Variants in UTP20 observed in about 807,000 individuals in gnomAD.
UTP20 encodes the protein small subunit processome component 20 homolog.
A neutral mutation model predicts 329.5 loss-of-function variants in UTP20; 164 were observed. That is an observed-to-expected ratio of 0.50 (90% CI 0.44 to 0.57). The LOEUF (loss-of-function observed/expected upper bound fraction) is 0.57, where lower values mean the gene tolerates loss of function less well. UTP20 is among the 20% of genes least tolerant of loss of function. UTP20 has a pLI of 0.00. For missense variants in UTP20, 3,055 were observed against 3,284.2 expected (o/e 0.93, Z 1.71); for synonymous variants, 1,151 against 1,159.3 (o/e 0.99, Z 0.14).
chr12:101,363,673 A>G lies in UTP20; in HGVS notation c.5888A>G (p.Asp1963Gly). Reference sequence around the variant, plus strand: ...GAAGCACGAAGAAGCAAAAGTTACGACTCTTATGAAATCCTCGGCAAGTTT... The same window carrying G: ...GAAGCACGAAGAAGCAAAAGTTACGGCTCTTATGAAATCCTCGGCAAGTTT... ...VMEARRSKSYDSYEILGKFVG... is the reference protein window; with the variant it reads ...VMEARRSKSYGSYEILGKFVG... Residue 1963 changes from aspartate to glycine, a missense_variant, in exon 45 of 62, where the codon GAC becomes GGC. Coordinates refer to ENST00000261637, the MANE Select transcript of UTP20 (RefSeq NM_014503.3). The G allele has an allele frequency of 6.2e-7, 1 of 1,613,370 alleles. No individual in the cohort carries two copies. The highest frequency in any genetic ancestry group is 8.5e-7 in the Non-Finnish European group (1 of 1,179,390).
At chr12:101,320,997 T>C (rs1009801603) in intron 24 of UTP20, 60 bp downstream of exon 24, 45 of 1,434,778 alleles carry the variant, frequency 3.1e-5, no homozygotes, top group Non-Finnish European at 4.0e-5. Flanking sequence ...TATTTCTGCC[T>C]AAGAGCCTCT....
chr12:101,326,862 T>C (rs1868575458), intron 25 of UTP20: 1 of 354,598 alleles, frequency 2.8e-6, no homozygotes, highest in African/African-American at 2.1e-5. Context: ...TAGCTGGGAC[T>C]ACAGGCACGT....
At chr12:101,375,020 C>CTAATCTG in intron 55 of UTP20, 81 bp downstream of exon 55, 4 of 948,748 alleles carry the variant, frequency 4.2e-6, no homozygotes, top group South Asian at 3.2e-5. Context: ...TAGATATCAG[C>CTAATCTG]TTATAGGTTA....
At chr12:101,330,167 G>A (rs1868712793) in intron 27 of UTP20, among the ~76,000 whole-genome samples, 1 of 152,094 alleles carries the variant, frequency 6.6e-6, no homozygotes, top group Non-Finnish European at 1.5e-5. Context: ...CAGTGTAGGG[G>A]TGGATAGGTG....
intron 12 of UTP20, among the ~76,000 whole-genome samples, chr12:101,298,006 G>T (rs560411890): frequency 6.6e-6 from 1 of 152,200 alleles, no homozygotes; most frequent in Admixed American, 6.5e-5. Flanking sequence ...CCTTTGTTTT[G>T]ATTCCTTCTA....
intron 25 of UTP20, among the ~76,000 whole-genome samples, chr12:101,322,809 T>C (rs1240180474): frequency 6.6e-6 from 1 of 152,166 alleles, no homozygotes; most frequent in African/African-American, 2.4e-5. Flanking sequence ...CATAAAAATA[T>C]TTGAGGGAGT....
In UTP20 at chr12:101,334,638, G is replaced by C. The variant is rs1868875158; in HGVS notation, c.3641+134G>C. 3 of 672,758 alleles carry C rather than the reference G, an allele frequency of 4.5e-6. No individual in the cohort carries two copies. The South Asian group carries it at 6.1e-5, about 14-fold the overall frequency. 41.7% of individuals were successfully genotyped at this position (672,758 alleles called of 1,614,324 possible). A position where few individuals can be genotyped will look rare whatever the true frequency, so the allele number is the denominator to read the frequency against. The stretch of plus-strand genomic sequence containing the variant: ...ACTACTTTTGGTACAGTTAGAGAAT[G>C]AGGCAGCTGAGTAAAAGCAAGGAAA... On this transcript the variant is annotated intron_variant, in intron 29 of 61. Coordinates refer to ENST00000261637, the MANE Select transcript of UTP20 (RefSeq NM_014503.3).
chr12:101,351,856 A>T (rs1869539513), intron 38 of UTP20, among the ~76,000 whole-genome samples, 199 bp from the exon 39 acceptor site: 2 of 152,342 alleles, frequency 1.3e-5, no homozygotes, highest in Non-Finnish European at 2.9e-5. Context: ...ATATGTTAAT[A>T]GCCTTTAAAG....
intron 38 of UTP20, among the ~76,000 whole-genome samples, chr12:101,350,979 G>A (rs991123634): frequency 3.9e-5 from 6 of 152,076 alleles, no homozygotes; most frequent in African/African-American, 1.4e-4. Flanking sequence ...CTCTTTTTGG[G>A]TTTCTCTTCC....
Position 101,320,915 on chromosome 12 carries a change from C to T in UTP20, c.2893C>T (p.His965Tyr). The T allele has an allele frequency of 1.9e-6, 3 of 1,610,124 alleles. No individual in the cohort carries two copies. The highest frequency in any genetic ancestry group is 1.1e-5 in the South Asian group (1 of 89,730). Residue 965 changes from histidine (H) to tyrosine (Y), a missense_variant, in exon 24 of 62, where the codon CAT (histidine) becomes TAT (tyrosine). By Grantham distance (83) the His-to-Tyr change is moderately conservative (BLOSUM62 2). Around this residue, in one of 3 missense-constraint regions of UTP20, gnomAD observed 2,445 missense variants for 2,575.5 expected, o/e 0.95. Transcript: ENST00000261637. ...ITLDCIMTYK[H>Y]PHVLPYRENL... ...CTTGGATTGCATAATGACATATAAA[C>T]ATCCTCATGTCCTCCCTTACAGGTA...
chr12:101,285,234 G>A (rs1033279495), intron 2 of UTP20, among the ~76,000 whole-genome samples: 1 of 152,082 alleles, frequency 6.6e-6, no homozygotes, highest in African/African-American at 2.4e-5. Context: ...ATTTCTAAAA[G>A]CAGAATGAAG....
intron 48 of UTP20, 21 bp downstream of exon 48, chr12:101,367,997 T>A (rs201124964): frequency 2.7e-5 from 40 of 1,476,620 alleles, no homozygotes; most frequent in Non-Finnish European, 3.8e-5. Flanking sequence ...GTTTGCACTC[T>A]GCATTGGAGC....
intron 25 of UTP20, 52 bp from the exon 26 acceptor site, chr12:101,327,029 C>G: frequency 6.5e-7 from 1 of 1,535,896 alleles, no homozygotes; most frequent in Non-Finnish European, 8.9e-7. Flanking sequence ...AATAAAACAA[C>G]TCATATTTTA....
intron 2 of UTP20, among the ~76,000 whole-genome samples, chr12:101,284,483 A>G (rs530165303): frequency 1.2e-4 from 18 of 152,126 alleles, no homozygotes; most frequent in South Asian, 2.1e-4. Context: ...TCTTTATCCA[A>G]TCTACTGTTG....
chr12:101,374,217 A>G (rs565271647), intron 54 of UTP20, among the ~76,000 whole-genome samples: 1 of 151,434 alleles, frequency 6.6e-6, no homozygotes, highest in African/African-American at 2.4e-5. Flanking sequence ...CCTGGGCGAC[A>G]GAGCGAGACT....
Position 101,338,934 on chromosome 12 carries a change from T to A in UTP20, c.3990T>A (p.Ser1330Arg). The A allele has an allele frequency of 6.2e-7, 1 of 1,601,590 alleles. No individual in the cohort carries two copies. The highest frequency in any genetic ancestry group is 8.5e-7 in the Non-Finnish European group (1 of 1,177,264). ...AGAAAAAGAATAGAGCACAAGTCAG[T>A]AAAGAGCTTGGCATTCTTTCAAAGT... ...VKKKKNRAQV[S>R]KELGILSKIS... The change falls in exon 31 of 62, where the codon AGT (serine) becomes AGA (arginine). Residue 1330 changes from serine (S) to arginine (R), a missense_variant. Around this residue, in one of 3 missense-constraint regions of UTP20, gnomAD observed 2,445 missense variants for 2,575.5 expected, o/e 0.95. Coordinates refer to ENST00000261637, the MANE Select transcript of UTP20 (RefSeq NM_014503.3).
chr12:101,329,414 G>A lies in UTP20; in HGVS notation c.3382G>A (p.Ala1128Thr). 2 of 1,613,800 alleles carry A rather than the reference G, an allele frequency of 1.2e-6. No individual in the cohort carries two copies. The highest frequency in any genetic ancestry group is 1.7e-6 in the Non-Finnish European group (2 of 1,179,774). The change falls in exon 27 of 62, where the codon GCA becomes ACA. Residue 1128 changes from alanine to threonine, a missense_variant. Coordinates refer to ENST00000261637, the MANE Select transcript of UTP20 (RefSeq NM_014503.3). Reference protein sequence around the residue: ...KILQILLCMTATVSHILDQRE... With the variant: ...KILQILLCMTTTVSHILDQRE... ...TTTGCAGATACTGCTCTGTATGACAGCAACCGTATCACACATCCTTGACCA... is the reference window on the plus strand; with the variant it reads ...TTTGCAGATACTGCTCTGTATGACAACAACCGTATCACACATCCTTGACCA...
At chr12:101,362,141 A>G (rs1869947259) in intron 44 of UTP20, 81 bp downstream of exon 44, 2 of 992,202 alleles carry the variant, frequency 2.0e-6, no homozygotes, top group Non-Finnish European at 3.1e-6. Context: ...AATAAGAAAT[A>G]ATAATAGCCC....
intron 27 of UTP20, among the ~76,000 whole-genome samples, chr12:101,330,712 G>C (rs1281900227): frequency 1.3e-5 from 2 of 152,212 alleles, no homozygotes; most frequent in Non-Finnish European, 2.9e-5. Flanking sequence ...TGAAAGGTTT[G>C]CCTGTGTAGT....
Sources: gnomAD v4.1 joint callset for allele counts (sites outside exome capture counted in the v4.1 genomes callset) on GRCh38, gnomAD v4.1.1 for gene constraint, gnomAD v4.1.1 regional missense constraint, MANE v1.5 for transcripts, NCBI Gene and HGNC (gene_info 2026-07-23, HGNC 2026-07-21) for gene names.